The following STEAP2 variants were observed in gnomAD, a reference collection of about 807,000 sequenced individuals.
The protein encoded by STEAP2 is metalloreductase STEAP2.
In STEAP2, 30 loss-of-function variants were observed where a neutral mutation model predicts 46.4. The ratio of observed to expected loss-of-function variants is 0.65; its 90% confidence interval spans 0.48 to 0.88. The LOEUF is 0.88. Among genes scored for constraint, STEAP2 ranks in the 40% least tolerant of loss-of-function variants. The pLI is 0.00. For missense variants in STEAP2, 513 were observed against 579.3 expected (o/e 0.89, Z 1.18); for synonymous variants, 180 against 200.5 (o/e 0.90, Z 0.86).
Position 90,225,534 on chromosome 7 carries a change from C to G in STEAP2, c.452C>G (p.Ala151Gly). ...GTCAAAGGATTTAATGTTGTCTCAG[C>G]TTGGGCACTTCAGTTAGGACCTAAG... ...LIVKGFNVVS[A>G]WALQLGPKDA... The change falls in exon 3 of 6, where the codon GCT (alanine) becomes GGT (glycine). Residue 151 changes from alanine to glycine, a missense_variant. By Grantham distance (60) the Ala-to-Gly change is moderately conservative (BLOSUM62 0). Transcript: ENST00000394621. The G allele has an allele frequency of 6.2e-7, 1 of 1,612,100 alleles. No individual in the cohort carries two copies. The highest frequency in any genetic ancestry group is 2.2e-5 in the East Asian group (1 of 44,852).
At chr7:90,214,354 A>G (rs1446833575) in intron 1 of STEAP2, among the ~76,000 whole-genome samples, 3 of 152,128 alleles carry the variant, frequency 2.0e-5, no homozygotes, top group African/African-American at 7.2e-5. Context: ...GGGTGGAAAA[A>G]GTTCAGGTTT....
At chr7:90,240,697 C>G (rs529456513), downstream of STEAP2, among the ~76,000 whole-genome samples, 1 of 152,176 alleles carries the variant, frequency 6.6e-6, no homozygotes, top group Non-Finnish European at 1.5e-5. The surrounding 1 kb of genome is among the most constrained non-coding windows in gnomAD (Gnocchi z 4.1). Flanking sequence ...AAAAGTAAAA[C>G]TTGTAAGTCA....
chr7:90,236,823 C>T lies in STEAP2; in HGVS notation c.*4199C>T, dbSNP rs560144449. 1.7e-4 allele frequency: 279 copies of T among 1,598,062 alleles called. 2 individuals carry two copies. In the South Asian group the frequency reaches 3.0e-3, roughly 17 times the overall value. ...GATGAGCTAAATTAAATCACAAAAG[C>T]AGATGCTTTTGTATGATCTCCAAAT... On this transcript the variant is annotated 3_prime_UTR_variant, in exon 6 of 6. Coordinates refer to ENST00000394621, the MANE Select transcript of STEAP2 (RefSeq NM_001244944.2).
At chr7:90,218,658 T>G (rs1234207747) in intron 2 of STEAP2, among the ~76,000 whole-genome samples, 1 of 152,068 alleles carries the variant, frequency 6.6e-6, no homozygotes, top group Non-Finnish European at 1.5e-5. Context: ...CGGTACCATG[T>G]TTTTTCGGTT....
At position 90,235,115 on chromosome 7, in the gene STEAP2, A is replaced by G. The variant is rs1446014010; in HGVS notation, c.*2491A>G. 4.2e-6 allele frequency: 4 copies of G among 942,760 alleles called. No individual in the cohort carries two copies. The highest frequency in any genetic ancestry group is 1.3e-6 in the Non-Finnish European group (1 of 790,996). The allele number at this position is 942,760 out of a possible 1,614,324, so 58.4% of individuals were successfully genotyped here. On this transcript the variant is annotated 3_prime_UTR_variant, in exon 6 of 6. Coordinates refer to ENST00000394621, the MANE Select transcript of STEAP2 (RefSeq NM_001244944.2). ...TTCCTAAAAGTTAAATGACTATTAAAGCATATATTGTTGCATGTATATATT... is the reference window on the plus strand; with the variant it reads ...TTCCTAAAAGTTAAATGACTATTAAGGCATATATTGTTGCATGTATATATT...
At chr7:90,213,268 T>G (rs530158193) in intron 1 of STEAP2, among the ~76,000 whole-genome samples, 11 of 152,302 alleles carry the variant, frequency 7.2e-5, no homozygotes, top group Non-Finnish European at 1.6e-4. Flanking sequence ...CACTTTTTAT[T>G]GTACTGGTGC....
chr7:90,219,865 T>A (rs1584230266), intron 2 of STEAP2, among the ~76,000 whole-genome samples: 1 of 152,240 alleles, frequency 6.6e-6, no homozygotes, highest in South Asian at 2.1e-4. Context: ...TACTAGGACT[T>A]CAGGTGTGTA....
chr7:90,228,965 C>T (rs973990930), intron 4 of STEAP2, among the ~76,000 whole-genome samples: 3 of 152,088 alleles, frequency 2.0e-5, no homozygotes, highest in Non-Finnish European at 4.4e-5. Flanking sequence ...AGCAGCTTTT[C>T]GTTGTTAAAT....
chr7:90,241,906 G>T (rs1796067473), downstream of STEAP2, among the ~76,000 whole-genome samples: 1 of 152,178 alleles, frequency 6.6e-6, no homozygotes, highest in African/African-American at 2.4e-5. Flanking sequence ...ATAGGGATTA[G>T]CCATCTGAAG....
intron 5 of STEAP2, among the ~76,000 whole-genome samples, chr7:90,231,481 A>G (rs922154137): frequency 1.1e-4 from 16 of 151,978 alleles, no homozygotes; most frequent in African/African-American, 3.9e-4. Flanking sequence ...TTATCATGTG[A>G]ACATCATAGA....
rs779169891 is a variant in STEAP2 at position 90,227,040 on chromosome 7, A to T, written c.562A>T (p.Ile188Phe). 6 of 1,613,044 alleles carry T rather than the reference A, an allele frequency of 3.7e-6. No homozygotes were observed. The highest frequency in any genetic ancestry group is 5.1e-6 in the Non-Finnish European group (6 of 1,179,602). ...VIELARQLNF[I>F]PIDLGSLSSA... ...TGAACTTGCCCGCCAGTTGAATTTC[A>T]TTCCCATTGACTTGGGATCCTTATC... Residue 188 changes from isoleucine (I) to phenylalanine (F), a missense_variant, in exon 4 of 6, where the codon ATT (isoleucine) becomes TTT (phenylalanine). Transcript: ENST00000394621.
chr7:90,229,948 T>A lies in STEAP2; in HGVS notation c.1097T>A (p.Met366Lys). ...RIEMYISFGI[M>K]SLGLLSLLAV... ...GAAATGTATATCTCCTTTGGCATAATGAGCCTTGGCTTACTTTCCCTCCTG... is the reference window on the plus strand; with the variant it reads ...GAAATGTATATCTCCTTTGGCATAAAGAGCCTTGGCTTACTTTCCCTCCTG... Residue 366 changes from methionine (M) to lysine (K), a missense_variant, in exon 5 of 6, where the codon ATG (methionine) becomes AAG (lysine). Met to Lys is a moderately conservative substitution (Grantham distance 95). Coordinates refer to ENST00000394621, the MANE Select transcript of STEAP2 (RefSeq NM_001244944.2). 1 of 1,613,678 alleles carries A rather than the reference T, an allele frequency of 6.2e-7. No homozygotes were observed. Among genetic ancestry groups the A allele is most frequent in the South Asian group, 1.1e-5 (1 of 91,056 alleles).
At chr7:90,218,608 A>G (rs960913309) in intron 2 of STEAP2, among the ~76,000 whole-genome samples, 7 of 151,940 alleles carry the variant, frequency 4.6e-5, no homozygotes, top group Admixed American at 2.0e-4. Flanking sequence ...TGGATTATCT[A>G]ATCTGTTGCA....
At chr7:90,217,717 A>G (rs1041261851) in intron 2 of STEAP2, among the ~76,000 whole-genome samples, 1 of 147,526 alleles carries the variant, frequency 6.8e-6, no homozygotes, top group African/African-American at 2.5e-5. Context: ...AAAAAAAAAA[A>G]AAAAAAAAAC....
Position 90,234,067 on chromosome 7 carries a change from T to TTCTCTACAG in STEAP2, c.*1443_*1444insTCTCTACAG. ...AGTCTTTCAAAAATCTCTGTAGAGT[T>TTCTCTACAG]AGTCTTCTCCTTTTCTCTTCCTGAG... On this transcript the variant is annotated 3_prime_UTR_variant, in exon 6 of 6. Coordinates refer to ENST00000394621, the MANE Select transcript of STEAP2 (RefSeq NM_001244944.2). 7 of 985,424 alleles carry TTCTCTACAG rather than the reference T, an allele frequency of 7.1e-6. No homozygotes were observed. Among genetic ancestry groups the TTCTCTACAG allele is most frequent in the Non-Finnish European group, 8.4e-6 (7 of 829,930 alleles). The allele number at this position is 985,424 out of a possible 1,614,324, so 61.0% of individuals were successfully genotyped here. A position where few individuals can be genotyped will look rare whatever the true frequency, so the allele number is the denominator to read the frequency against.
At chr7:90,222,862 A>G (rs1019389666) in intron 2 of STEAP2, among the ~76,000 whole-genome samples, 1 of 152,060 alleles carries the variant, frequency 6.6e-6, no homozygotes, top group Non-Finnish European at 1.5e-5. Context: ...TTTTTGAAAC[A>G]TTCCACCTGT....
At chr7:90,224,619 T>C (rs1795400837) in intron 2 of STEAP2, among the ~76,000 whole-genome samples, 1 of 152,194 alleles carries the variant, frequency 6.6e-6, no homozygotes, top group Non-Finnish European at 1.5e-5. Context: ...AGCCCCCATT[T>C]GGGGGCTTTC....
Position 90,236,567 on chromosome 7 carries a change from T to C in STEAP2, c.*3943T>C. ...TAATAATTTCAGTGGAAACTCAATC[T>C]GTTTTTACCTTTAAACAGTGAATTT... On this transcript the variant is annotated 3_prime_UTR_variant, in exon 6 of 6. Transcript: ENST00000394621. 2.9e-6 allele frequency: 3 copies of C among 1,042,160 alleles called. No homozygotes were observed. The highest frequency in any genetic ancestry group is 3.5e-6 in the Non-Finnish European group (3 of 866,768). 64.6% of individuals were successfully genotyped at this position (1,042,160 alleles called of 1,614,324 possible).
chr7:90,241,518 A>G (rs1386785503), downstream of STEAP2, among the ~76,000 whole-genome samples: 1 of 152,264 alleles, frequency 6.6e-6, no homozygotes, highest in Admixed American at 6.5e-5. Context: ...AGGAAGTCCC[A>G]AAGTATGTTC....
Sources: gnomAD v4.1 joint callset for allele counts (sites outside exome capture counted in the v4.1 genomes callset) on GRCh38, gnomAD v4.1.1 for gene constraint, Gnocchi (gnomAD v3.1) non-coding constraint, MANE v1.5 for transcripts, NCBI Gene and HGNC (gene_info 2026-07-23, HGNC 2026-07-21) for gene names.